The following MMP8 variants were observed in gnomAD, a reference collection of about 807,000 sequenced individuals.
The protein encoded by MMP8 is matrix metallopeptidase 8, also known as neutrophil collagenase.
MMP8 carries 67 observed loss-of-function variants against 51.2 expected under a neutral mutation model. The ratio of observed to expected loss-of-function variants is 1.31; its 90% CI spans 1.08 to 1.60. The LOEUF (loss-of-function observed/expected upper bound fraction) is 1.60. MMP8 is among the 40% of genes most tolerant of loss of function. The pLI is 0.00. For missense variants in MMP8, 654 were observed against 558.1 expected (o/e 1.17, Z -1.73); for synonymous variants, 225 against 191.0 (o/e 1.18, Z -1.47).
rs1220087253 is a variant in MMP8 at position 102,712,659 on chromosome 11, G to C, written c.*689C>G. The C allele has an allele frequency of 6.6e-6, 1 of 152,122 alleles. No individual in the cohort carries two copies. The highest frequency in any genetic ancestry group is 1.5e-5 in the Non-Finnish European group (1 of 68,066). 9.4% of individuals were successfully genotyped at this position (152,122 alleles called of 1,614,324 possible). A position where few individuals can be genotyped will look rare whatever the true frequency, so the allele number is the denominator to read the frequency against. On this transcript the variant is annotated 3_prime_UTR_variant, in exon 10 of 10. Transcript: ENST00000236826. ...TGTCTTCATACGGCCTCCTCCCCTAGGTGACTATGCCTCTCTTCTTCTTAT... is the reference window on the plus strand; with the variant it reads ...TGTCTTCATACGGCCTCCTCCCCTACGTGACTATGCCTCTCTTCTTCTTAT...
rs765341099 is a variant in MMP8 at position 102,722,635 on chromosome 11, C to T, written c.141G>A (p.Gln47=). 2 of 1,613,820 alleles carry T rather than the reference C, an allele frequency of 1.2e-6. No individual in the cohort carries two copies. Among genetic ancestry groups the T allele is most frequent in the South Asian group, 2.2e-5 (2 of 91,072 alleles). The change falls in exon 2 of 10, where the codon CAG becomes CAA. Residue 47 remains glutamine, a synonymous_variant. Transcript: ENST00000236826. The part of the protein sequence containing the change: ...LEKFYQLPSN[Q]YQSTRKNGTN... Reference sequence around the variant, plus strand: ...TGCCATTCTTCCTTGTAGACTGATACTGGTTGCTTGGTAATTGGTAGAACT... The same window carrying T: ...TGCCATTCTTCCTTGTAGACTGATATTGGTTGCTTGGTAATTGGTAGAACT...
rs533726650 is a variant in MMP8, at chr11:102,713,430, C to A, written c.1322G>T (p.Arg441Ile). The A allele has an allele frequency of 5.0e-6, 8 of 1,613,312 alleles. No individual in the cohort carries two copies. Among genetic ancestry groups the A allele is most frequent in the South Asian group, 1.1e-5 (1 of 91,058 alleles). The change falls in exon 10 of 10, where the codon AGA (arginine) becomes ATA (isoleucine). Residue 441 changes from arginine to isoleucine, a missense_variant. Physicochemically the swap from Arg to Ile is moderately conservative, Grantham distance 97 (BLOSUM62 -3). Transcript: ENST00000236826. ...EHFFHVFSGP[R>I]YYAFDLIAQR... is the part of the protein sequence containing the mutation. ...AGCAATAAGATCAAATGCGTAATATCTTGGTCCACTGAAGACATGGAAGAA... is the reference window on the plus strand; with the variant it reads ...AGCAATAAGATCAAATGCGTAATATATTGGTCCACTGAAGACATGGAAGAA...
intron 9 of MMP8, 117 bp downstream of exon 9, chr11:102,713,637 G>A (rs961014005): frequency 2.1e-5 from 22 of 1,050,848 alleles, no homozygotes; most frequent in Non-Finnish European, 3.1e-5. Flanking sequence ...AGGCTGAGGT[G>A]GGAGGATTGC....
intron 1 of MMP8, chr11:102,722,901 A>G: frequency 1.9e-6 from 2 of 1,046,772 alleles, no homozygotes; most frequent in Non-Finnish European, 2.7e-6. Flanking sequence ...AGGGTGTCTC[A>G]TAAGGGATGA....
intron 4 of MMP8, among the ~76,000 whole-genome samples, chr11:102,720,593 C>T (rs1448832149): frequency 1.3e-5 from 2 of 152,096 alleles, no homozygotes; most frequent in African/African-American, 2.4e-5. Context: ...ATTGTTACCC[C>T]ATATTTTGTG....
intron 4 of MMP8, 59 bp downstream of exon 4, chr11:102,721,342 T>C (rs374981592): frequency 1.4e-4 from 192 of 1,343,402 alleles, no homozygotes; most frequent in Non-Finnish European, 1.8e-4. Context: ...GTGTGTGTAT[T>C]CTAATCTGTA....
chr11:102,720,282 G>A (rs1010780212), intron 4 of MMP8, among the ~76,000 whole-genome samples: 4 of 152,166 alleles, frequency 2.6e-5, no homozygotes, highest in African/African-American at 7.2e-5. Flanking sequence ...AACAAACCCT[G>A]CTGCAATGGT....
At chr11:102,716,716 T>G (rs763800486) in intron 5 of MMP8, among the ~76,000 whole-genome samples, 9 of 152,214 alleles carry the variant, frequency 5.9e-5, no homozygotes, top group Non-Finnish European at 1.0e-4. Context: ...AATTCTTCTC[T>G]GACTTTTCAG....
Position 102,713,309 on chromosome 11 carries a change from A to G in MMP8, c.*39T>C. ...GAAAATGCTTGCTGAACTTCCCTTC[A>G]ACATTCTGAAAGTGGATACAGCCAC... On this transcript the variant is annotated 3_prime_UTR_variant, in exon 10 of 10. Transcript: ENST00000236826. 7.1e-7 allele frequency: 1 copy of G among 1,417,626 alleles called. No homozygotes were observed. Among genetic ancestry groups the G allele is most frequent in the South Asian group, 1.2e-5 (1 of 86,794 alleles). The allele number at this position is 1,417,626 out of a possible 1,614,324, so 87.8% of individuals were successfully genotyped here. A position where few individuals can be genotyped will look rare whatever the true frequency, so the allele number is the denominator to read the frequency against.
intron 4 of MMP8, among the ~76,000 whole-genome samples, chr11:102,719,453 T>C (rs1861406861): frequency 1.3e-5 from 2 of 152,214 alleles, no homozygotes; most frequent in South Asian, 4.1e-4. Flanking sequence ...TGTTATGCAA[T>C]CCTCATAACA....
intron 6 of MMP8, among the ~76,000 whole-genome samples, chr11:102,715,891 C>T (rs1861277501): frequency 6.6e-6 from 1 of 152,210 alleles, no homozygotes; most frequent in Non-Finnish European, 1.5e-5. Flanking sequence ...GTTCCATTTA[C>T]TTGACTGATT....
At chr11:102,720,654 C>T (rs766767709) in intron 4 of MMP8, among the ~76,000 whole-genome samples, 17 of 152,188 alleles carry the variant, frequency 1.1e-4, no homozygotes, top group Non-Finnish European at 2.1e-4. Context: ...TTCTTCCCTT[C>T]AAGCAGCCCA....
Position 102,722,564 on chromosome 11 carries a change from C to A in MMP8, c.212G>T (p.Gly71Val). 1 of 1,613,902 alleles carries A rather than the reference C, an allele frequency of 6.2e-7. No individual in the cohort carries two copies. Among genetic ancestry groups the A allele is most frequent in the Non-Finnish European group, 8.5e-7 (1 of 1,179,850 alleles). The change falls in exon 2 of 10, where the codon GGG becomes GTG. Residue 71 changes from glycine to valine, a missense_variant. Physicochemically the swap from Gly to Val is moderately radical, Grantham distance 109. Transcript: ENST00000236826. The stretch of plus-strand genomic sequence containing the variant: ...ATTTGGCTTCCCCGTCACATTCAAC[C>A]CAAAAAATCGCTGCATTTCTTTAAG... ...EKLKEMQRFF[G>V]LNVTGKPNEE...
At position 102,718,549 on chromosome 11, in the gene MMP8, G is replaced by A. The variant is rs568291742; in HGVS notation, c.649C>T (p.His217Tyr). The part of the protein sequence containing the change: ...ANYNLFLVAA[H>Y]EFGHSLGLAH... ...AGCCCCAAAGAATGGCCAAATTCAT[G>A]AGCAGCAACAAGAAACAAGTTGTAA... The change falls in exon 5 of 10, where the codon CAT (histidine) becomes TAT (tyrosine). Residue 217 changes from histidine to tyrosine, a missense_variant. His to Tyr is a moderately conservative substitution (Grantham distance 83, BLOSUM62 2). Transcript: ENST00000236826. The A allele has an allele frequency of 1.7e-5, 27 of 1,613,914 alleles. No individual in the cohort carries two copies. In the East Asian group the frequency reaches 4.5e-4, roughly 27 times the overall value.
intron 5 of MMP8, 44 bp downstream of exon 5, chr11:102,718,370 C>T (rs765392217): frequency 1.3e-6 from 2 of 1,563,864 alleles, no homozygotes; most frequent in East Asian, 4.6e-5. Flanking sequence ...TTCGCCTATT[C>T]CCAGGTCCTA....
At chr11:102,721,077 T>C (rs1367001711) in intron 4 of MMP8, among the ~76,000 whole-genome samples, 3 of 152,210 alleles carry the variant, frequency 2.0e-5, no homozygotes, top group Admixed American at 6.5e-5. Flanking sequence ...ATTTATGATA[T>C]AGAAACAAAT....
chr11:102,723,621 C>G (rs1861538456), intron 1 of MMP8: 2 of 396,898 alleles, frequency 5.0e-6, no homozygotes, highest in South Asian at 1.8e-5. Context: ...AAGGGCAGCC[C>G]CTCTTTATAA....
intron 4 of MMP8, among the ~76,000 whole-genome samples, chr11:102,720,988 T>C (rs967450223): frequency 1.3e-5 from 2 of 151,950 alleles, no homozygotes; most frequent in African/African-American, 4.8e-5. Flanking sequence ...AAGAACCAGA[T>C]AGCAAATATT....
chr11:102,722,350 C>A (rs1861497599), intron 2 of MMP8, 79 bp downstream of exon 2: 2 of 1,441,034 alleles, frequency 1.4e-6, no homozygotes, highest in Non-Finnish European at 1.9e-6. Context: ...CCTAGTGTAT[C>A]CCAAGAACAG....
Sources: allele counts gnomAD v4.1 joint callset (sites outside exome capture counted in the v4.1 genomes callset), GRCh38; gene constraint gnomAD v4.1.1; transcripts MANE v1.5; gene names NCBI Gene and HGNC (gene_info 2026-07-23, HGNC 2026-07-21).